UTS2: variants seen among roughly 807,000 people sequenced by gnomAD.
The protein encoded by UTS2 is urotensin 2.
A neutral mutation model predicts 12.6 loss-of-function variants in UTS2; 10 were observed. That is an observed-to-expected ratio of 0.80 (90% CI 0.49 to 1.35). UTS2 has a LOEUF of 1.35. Ranked by LOEUF, UTS2 falls within the 40% of genes most tolerant of loss-of-function variation. The pLI is 0.00. For synonymous variants in UTS2, 52 were observed against 50.0 expected (o/e 1.04, Z -0.17); for missense variants, 142 against 143.2 (o/e 0.99, Z 0.04).
chr1:7,899,057 T>G, the UTS2 span, among the ~76,000 whole-genome samples: 1 of 152,096 alleles, frequency 6.6e-6, no homozygotes, highest in African/African-American at 2.4e-5. Flanking sequence ...CAGGCACATC[T>G]TACATGGCCA....
the UTS2 span, among the ~76,000 whole-genome samples, chr1:7,861,738 G>C: frequency 2.0e-5 from 3 of 152,234 alleles, no homozygotes; most frequent in East Asian, 5.8e-4. Flanking sequence ...GACAAAAGGC[G>C]GAAACGAGCA....
the UTS2 span, among the ~76,000 whole-genome samples, chr1:7,876,305 CCACACA>C: frequency 6.6e-6 from 1 of 152,160 alleles, no homozygotes; most frequent in Non-Finnish European, 1.5e-5. Flanking sequence ...CCACCAGCAC[CCACACA>C]CATCAGGGGC....
chr1:7,864,067 T>C, the UTS2 span, among the ~76,000 whole-genome samples: 1 of 152,206 alleles, frequency 6.6e-6, no homozygotes, highest in East Asian at 1.9e-4. Flanking sequence ...CGTCTCCAGG[T>C]CACAGCGAGG....
chr1:7,862,990 GT>G, the UTS2 span, among the ~76,000 whole-genome samples: 25 of 41,382 alleles, frequency 6.0e-4, no homozygotes, highest in South Asian at 0.011. Flanking sequence ...ATTGTGTTGT[GT>G]TGTATTGTAT....
At position 7,851,629 on chromosome 1, in the gene UTS2, C is replaced by T. The variant is rs577976070; in HGVS notation, c.104-707G>A. On this transcript the variant is annotated intron_variant, in intron 1 of 3. Transcript: ENST00000361696. The stretch of plus-strand genomic sequence containing the variant: ...GGTGGGAGGCCATGTGTGGGACCAG[C>T]GTGCCACAGGCTTACAAATAGCTGC... Among the ~76,000 whole-genome samples the T allele has an allele frequency of 7.9e-5, 12 of 152,236 alleles. No homozygotes were observed. The South Asian group carries it at 8.3e-4, about 11-fold the overall frequency.
chr1:7,880,791 AT>A, the UTS2 span, among the ~76,000 whole-genome samples: 7 of 152,334 alleles, frequency 4.6e-5, no homozygotes, highest in South Asian at 8.3e-4. Context: ...TTCCAAACTC[AT>A]TTCACAAGGC....
At chr1:7,890,316 A>G in the UTS2 span, among the ~76,000 whole-genome samples, 1 of 152,084 alleles carries the variant, frequency 6.6e-6, no homozygotes, top group African/African-American at 2.4e-5. Flanking sequence ...GTGGGCTAAG[A>G]GTCAGGTTTT....
At chr1:7,876,315 CA>C in the UTS2 span, among the ~76,000 whole-genome samples, 1 of 152,200 alleles carries the variant, frequency 6.6e-6, no homozygotes, top group Non-Finnish European at 1.5e-5. Flanking sequence ...CCACACACAT[CA>C]GGGGCCGAGG....
the UTS2 span, among the ~76,000 whole-genome samples, chr1:7,863,055 ATTGTATTGTATTGTATTGTATT>A: frequency 2.8e-5 from 2 of 71,890 alleles, no homozygotes; most frequent in Non-Finnish European, 6.0e-5. Flanking sequence ...ATTGTATTGT[ATTGTATTGTATTGTATTGTATT>A]GTATTGTATT....
chr1:7,895,887 C>A, the UTS2 span, among the ~76,000 whole-genome samples: 2 of 152,144 alleles, frequency 1.3e-5, no homozygotes, highest in Non-Finnish European at 2.9e-5. Flanking sequence ...TGAGGATATG[C>A]GTCAAGCCAT....
intron 2 of UTS2, 28 bp downstream of exon 2, chr1:7,850,784 C>A (rs1262137666): frequency 6.2e-7 from 1 of 1,605,900 alleles, no homozygotes; most frequent in South Asian, 1.1e-5. Flanking sequence ...TTAAATCAGA[C>A]ACGCTATAAA....
chr1:7,880,251 C>T, the UTS2 span, among the ~76,000 whole-genome samples: 185 of 152,126 alleles, frequency 1.2e-3, no homozygotes, highest in African/African-American at 4.2e-3. Flanking sequence ...GAGCAAGACC[C>T]TGTCTCAAAT....
chr1:7,882,892 T>C, the UTS2 span, among the ~76,000 whole-genome samples: 1 of 152,148 alleles, frequency 6.6e-6, no homozygotes, highest in African/African-American at 2.4e-5. Context: ...GAATGGCTAT[T>C]ATCAAAAAGA....
the UTS2 span, among the ~76,000 whole-genome samples, chr1:7,863,529 G>C: frequency 6.6e-6 from 1 of 152,142 alleles, no homozygotes; most frequent in African/African-American, 2.4e-5. Flanking sequence ...GTGTATCGGG[G>C]TTACTATGAA....
chr1:7,912,996 T>C, the UTS2 span, among the ~76,000 whole-genome samples: 101,079 of 143,766 alleles, frequency 0.7, 35,585 homozygotes, highest in East Asian at 0.98. Context: ...TTTTTCTTTT[T>C]TTTTTTTTTT....
the UTS2 span, among the ~76,000 whole-genome samples, chr1:7,867,711 A>G: frequency 9.9e-5 from 15 of 151,986 alleles, no homozygotes; most frequent in Admixed American, 8.5e-4. Context: ...CTCTGTCTCT[A>G]CTAAAAATAG....
At chr1:7,899,065 C>T in the UTS2 span, among the ~76,000 whole-genome samples, 1 of 152,196 alleles carries the variant, frequency 6.6e-6, no homozygotes, top group Non-Finnish European at 1.5e-5. Context: ...TCTTACATGG[C>T]CAAAACAGGA....
At chr1:7,903,036 CCTTCCCCTCCTTCTCCTG>C in the UTS2 span, among the ~76,000 whole-genome samples, 4 of 115,712 alleles carry the variant, frequency 3.5e-5, no homozygotes, top group African/African-American at 1.4e-4. Context: ...CTCCTCCCCT[CCTTCCCCTCCTTCTCCTG>C]CTTCCCCTCC....
upstream of UTS2, among the ~76,000 whole-genome samples, chr1:7,855,197 T>C (rs1638282083): frequency 6.7e-6 from 1 of 149,912 alleles, no homozygotes; most frequent in South Asian, 2.1e-4. Flanking sequence ...ATACCATAGA[T>C]ACCATTTTTG....
Sources: allele counts gnomAD v4.1 joint callset (sites outside exome capture counted in the v4.1 genomes callset), GRCh38; gene constraint gnomAD v4.1.1; transcripts MANE v1.5; gene names NCBI Gene and HGNC (gene_info 2026-07-23, HGNC 2026-07-21).